Variants in CADM2 observed in about 807,000 individuals in gnomAD.
CADM2 encodes the protein immunoglobulin superfamily member 4D.
In CADM2, 12 loss-of-function variants were observed where a neutral mutation model predicts 49.8. The ratio of observed to expected loss-of-function variants is 0.24; its 90% CI spans 0.15 to 0.39. The LOEUF is 0.39. Among genes scored for constraint, CADM2 ranks in the 10% least tolerant of loss-of-function variants. The pLI is 1.00. For synonymous variants in CADM2, 214 were observed against 175.4 expected, an observed-to-expected ratio of 1.22 and a Z score of -1.74; for missense variants, 378 against 492.3, an observed-to-expected ratio of 0.77 and a Z score of 2.20.
chr3:85,898,273 A>G (rs937732139), intron 5 of CADM2, among the ~76,000 whole-genome samples: 7 of 152,110 alleles, frequency 4.6e-5, no homozygotes, highest in Non-Finnish European at 8.8e-5. Context: ...TATTTATTTT[A>G]AAAATAAATT....
intron 1 of CADM2, among the ~76,000 whole-genome samples, chr3:85,127,284 C>T (rs1027728083): frequency 2.0e-5 from 3 of 152,068 alleles, no homozygotes; most frequent in Admixed American, 6.5e-5. Flanking sequence ...AATAATAGAC[C>T]TACTGGCCAC....
chr3:85,580,940 C>T (rs1455522016), intron 1 of CADM2, among the ~76,000 whole-genome samples: 1 of 151,864 alleles, frequency 6.6e-6, no homozygotes, highest in Non-Finnish European at 1.5e-5. Context: ...AGATTCATTC[C>T]AGTACACAAA....
In CADM2 at chr3:85,948,948, A is replaced by G. The variant is rs1723065364; in HGVS notation, c.792-12521A>G. ...AAAGACGGATAATAGAGCAGCACCT[A>G]TGATAACGTGGGGCCAGGAGATGTC... On this transcript the variant is annotated intron_variant, in intron 7 of 9. Coordinates refer to ENST00000383699, the MANE Select transcript of CADM2 (RefSeq NM_001167675.2). Among the ~76,000 whole-genome samples, 3 of 151,392 alleles carry G rather than the reference A, an allele frequency of 2.0e-5. No homozygotes were observed. The South Asian group carries it at 6.2e-4, about 31-fold the overall frequency.
intron 1 of CADM2, among the ~76,000 whole-genome samples, chr3:85,276,933 T>G (rs969511072): frequency 1.3e-5 from 2 of 151,384 alleles, no homozygotes; most frequent in Non-Finnish European, 3.0e-5. Flanking sequence ...CTTAAAATTT[T>G]GAATTTCATT....
intron 1 of CADM2, among the ~76,000 whole-genome samples, chr3:85,023,479 A>C (rs2034594772): frequency 6.6e-6 from 1 of 151,884 alleles, no homozygotes. Context: ...CAGTTTTCCC[A>C]GTAGGTTTAT....
At chr3:85,088,568 A>G (rs1031827761) in intron 1 of CADM2, among the ~76,000 whole-genome samples, 1 of 152,218 alleles carries the variant, frequency 6.6e-6, no homozygotes, top group Non-Finnish European at 1.5e-5. Context: ...ACTGGTTCTA[A>G]TTAGGAAATA....
intron 1 of CADM2, among the ~76,000 whole-genome samples, chr3:85,029,660 A>G (rs1436663955): frequency 6.6e-6 from 1 of 152,176 alleles, no homozygotes; most frequent in Non-Finnish European, 1.5e-5. Context: ...ATTTAATGCT[A>G]AAGAGTGAGA....
chr3:86,067,486 T>C lies in CADM2; in HGVS notation c.*703T>C, dbSNP rs1209482262. ...TAGAGATCTTACTATTAGGATATTG[T>C]AGCTTCATTTACCAATAAATTATTC... On this transcript the variant is annotated 3_prime_UTR_variant, in exon 10 of 10. Transcript: ENST00000383699. The C allele has an allele frequency of 1.3e-5, 2 of 152,564 alleles. No homozygotes were observed. Among genetic ancestry groups the C allele is most frequent in the Non-Finnish European group, 2.9e-5 (2 of 67,954 alleles). 9.5% of individuals were successfully genotyped at this position (152,564 alleles called of 1,614,324 possible). A position where few individuals can be genotyped will look rare whatever the true frequency, so the allele number is the denominator to read the frequency against.
intron 2 of CADM2, among the ~76,000 whole-genome samples, chr3:85,775,945 G>A (rs2070338890): frequency 6.6e-6 from 1 of 151,708 alleles, no homozygotes; most frequent in South Asian, 2.1e-4. Flanking sequence ...CATAATTTTA[G>A]TACAGGCAAC....
At chr3:86,048,260 G>A (rs1306130566) in intron 8 of CADM2, among the ~76,000 whole-genome samples, 1 of 151,640 alleles carries the variant, frequency 6.6e-6, no homozygotes, top group East Asian at 1.9e-4. Flanking sequence ...ATATACGTGT[G>A]TATATATATA....
chr3:86,020,844 A>G (rs908571437), intron 8 of CADM2, among the ~76,000 whole-genome samples: 8 of 152,236 alleles, frequency 5.3e-5, no homozygotes, highest in Admixed American at 2.0e-4. Flanking sequence ...ATTTCAAAAT[A>G]ATAAGAGCTA....
intron 8 of CADM2, among the ~76,000 whole-genome samples, chr3:85,963,407 A>C (rs1260505540): frequency 6.6e-6 from 1 of 151,924 alleles, no homozygotes; most frequent in Non-Finnish European, 1.5e-5. Flanking sequence ...TGGGTGTGTC[A>C]GGAAGGTAAG....
chr3:85,700,871 G>C (rs2066731878), intron 1 of CADM2, among the ~76,000 whole-genome samples: 1 of 152,052 alleles, frequency 6.6e-6, no homozygotes, highest in African/African-American at 2.4e-5. Context: ...AGCTCTCCAA[G>C]GTTTTCCAAC....
chr3:85,879,069 A>G (rs1206380103), intron 3 of CADM2, among the ~76,000 whole-genome samples: 1 of 150,402 alleles, frequency 6.6e-6, no homozygotes, highest in East Asian at 1.9e-4. Flanking sequence ...AAAATTATAT[A>G]TAAATACATA....
At chr3:85,042,500 G>A (rs1258334823) in intron 1 of CADM2, among the ~76,000 whole-genome samples, 3 of 151,796 alleles carry the variant, frequency 2.0e-5, no homozygotes, top group Admixed American at 1.3e-4. Context: ...TTTATTGTGT[G>A]TGTGTTTTCA....
At chr3:85,175,956 T>G (rs2040773698) in intron 1 of CADM2, among the ~76,000 whole-genome samples, 1 of 125,668 alleles carries the variant, frequency 8.0e-6, no homozygotes, top group African/African-American at 3.2e-5. Flanking sequence ...TGAGACGGAG[T>G]CTCGCTCTGT....
At chr3:84,982,002 C>T (rs4856555) in intron 1 of CADM2, among the ~76,000 whole-genome samples, 20,761 of 152,098 alleles carry the variant, frequency 0.14, 1,707 homozygotes, top group Admixed American at 0.28. Context: ...CAGAAAACAA[C>T]TTTTAAACTG....
chr3:85,542,347 A>T (rs2061569583), intron 1 of CADM2, among the ~76,000 whole-genome samples: 1 of 152,178 alleles, frequency 6.6e-6, no homozygotes, highest in Non-Finnish European at 1.5e-5. Context: ...AATTGATTGA[A>T]CAAAGACCTT....
At chr3:85,568,495 C>CTT (rs1253633230) in intron 1 of CADM2, among the ~76,000 whole-genome samples, 2 of 68,324 alleles carry the variant, frequency 2.9e-5, no homozygotes, top group African/African-American at 7.4e-5. Flanking sequence ...TTCTTTCTTT[C>CTT]TTTCTTTCTT....
Sources: allele counts gnomAD v4.1 joint callset (sites outside exome capture counted in the v4.1 genomes callset), GRCh38; gene constraint gnomAD v4.1.1; transcripts MANE v1.5; gene names NCBI Gene and HGNC (gene_info 2026-07-23, HGNC 2026-07-21).